Variants in ZNF442 observed in about 807,000 individuals in gnomAD.
ZNF442 encodes zinc finger protein 442.
Under a neutral mutation model 57.0 loss-of-function variants are expected in ZNF442, and 45 were observed. That is an observed-to-expected ratio of 0.79 (90% CI 0.62 to 1.01). The LOEUF is 1.01. ZNF442 is among the 50% of genes least tolerant of loss of function. The probability of loss-of-function intolerance (pLI) is 0.00; values close to 1 mark genes in which losing one functional copy is unlikely to be tolerated. For synonymous variants in ZNF442, 213 were observed against 241.8 expected (o/e 0.88, Z 1.10); for missense variants, 690 against 756.5 (o/e 0.91, Z 1.03).
At chr19:12,372,394 G>C in the ZNF442 span, among the ~76,000 whole-genome samples, 1 of 152,030 alleles carries the variant, frequency 6.6e-6, no homozygotes, top group Non-Finnish European at 1.5e-5. Flanking sequence ...AGGAGGTGGA[G>C]GTTGCAGTGA....
chr19:12,350,330 C>T lies in ZNF442; in HGVS notation c.1255G>A (p.Val419Ile), dbSNP rs748025717. The T allele has an allele frequency of 1.2e-6, 2 of 1,613,692 alleles. No individual in the cohort carries two copies. The highest frequency in any genetic ancestry group is 1.7e-5 in the Admixed American group (1 of 59,992). ...TGAGTCCTTTCATGTCCTTGAAATA[C>T]ACTGGGATAAATGAAGGCTTTCCCA... ...VCGKAFIYPSVFQGHERTHTG... is the reference protein window; with the variant it reads ...VCGKAFIYPSIFQGHERTHTG... Residue 419 changes from valine (V) to isoleucine (I), a missense_variant, in exon 6 of 6, where the codon GTA becomes ATA. By Grantham distance (29) the Val-to-Ile change is conservative. Transcript: ENST00000242804.
At position 12,346,420 on chromosome 19, in the gene ZNF442, T is replaced by C. The variant is rs1358161982; in HGVS notation, c.*3281A>G. Reference sequence around the variant, plus strand: ...GCAGTACAGAACCATTAATTGGCTATTATGAAAAAAATACGACAACCAGTA... The same window carrying C: ...GCAGTACAGAACCATTAATTGGCTACTATGAAAAAAATACGACAACCAGTA... On this transcript the variant is annotated 3_prime_UTR_variant, in exon 6 of 6. Coordinates refer to ENST00000242804, the MANE Select transcript of ZNF442 (RefSeq NM_030824.3). 6.6e-6 allele frequency: 1 copy of C among 152,166 alleles called. No individual in the cohort carries two copies. Among genetic ancestry groups the C allele is most frequent in the Non-Finnish European group, 1.5e-5 (1 of 68,034 alleles). 9.4% of individuals were successfully genotyped at this position (152,166 alleles called of 1,614,324 possible). A position where few individuals can be genotyped will look rare whatever the true frequency, so the allele number is the denominator to read the frequency against.
At chr19:12,353,579 A>G (rs1384630506) in intron 3 of ZNF442, among the ~76,000 whole-genome samples, 1 of 152,146 alleles carries the variant, frequency 6.6e-6, no homozygotes, top group Non-Finnish European at 1.5e-5. Flanking sequence ...GTGTGCATAA[A>G]CTGTTTATGG....
the ZNF442 span, among the ~76,000 whole-genome samples, chr19:12,372,337 T>A: frequency 3.3e-5 from 5 of 151,988 alleles, no homozygotes; most frequent in African/African-American, 9.7e-5. Context: ...CGGGCGCCTG[T>A]AATCCCAGCT....
intron 3 of ZNF442, among the ~76,000 whole-genome samples, chr19:12,357,754 G>C (rs1969357630): frequency 6.6e-6 from 1 of 152,024 alleles, no homozygotes; most frequent in Non-Finnish European, 1.5e-5. Context: ...CGGGGTACAG[G>C]TCTAATGTTG....
In ZNF442 at chr19:12,346,841, T is replaced by C. The variant is rs186750532; in HGVS notation, c.*2860A>G. 1.3e-5 allele frequency: 2 copies of C among 152,188 alleles called. No individual in the cohort carries two copies. The highest frequency in any genetic ancestry group is 2.9e-5 in the Non-Finnish European group (2 of 68,032). The allele number at this position is 152,188 out of a possible 1,614,324, so 9.4% of individuals were successfully genotyped here. A position where few individuals can be genotyped will look rare whatever the true frequency, so the allele number is the denominator to read the frequency against. On this transcript the variant is annotated 3_prime_UTR_variant, in exon 6 of 6. Coordinates refer to ENST00000242804, the MANE Select transcript of ZNF442 (RefSeq NM_030824.3). ...CGTTCTAAGTGAAATAAGCCAGACA[T>C]GGAAGGACACATGCATACTTCCACA...
chr19:12,364,661 A>G (rs567988358), intron 2 of ZNF442, 141 bp downstream of exon 2: 8 of 152,350 alleles, frequency 5.3e-5, no homozygotes, highest in African/African-American at 1.9e-4. Flanking sequence ...TGCTACCCCC[A>G]TCTCTGAAAA....
chr19:12,363,565 T>C lies in ZNF442; in HGVS notation c.67A>G (p.Arg23Gly), dbSNP rs574451149. The change falls in exon 3 of 6, where the codon AGA becomes GGA. Residue 23 changes from arginine to glycine, a missense_variant. Physicochemically the swap from Arg to Gly is moderately radical, Grantham distance 125 (BLOSUM62 -2). Transcript: ENST00000242804. ...FLPDSQTNEE[R>G]KQYDSVAFED... The stretch of plus-strand genomic sequence containing the variant: ...TCTCCAGTGCTTACATATTGTTTTC[T>C]CTCTTCATTAGTCTGAGAGTCAGGA... The C allele has an allele frequency of 1.2e-6, 2 of 1,614,188 alleles. No homozygotes were observed. Among genetic ancestry groups the C allele is most frequent in the East Asian group, 4.5e-5 (2 of 44,880 alleles).
the ZNF442 span, among the ~76,000 whole-genome samples, chr19:12,372,124 A>G: frequency 2.0e-5 from 3 of 152,254 alleles, no homozygotes; most frequent in Non-Finnish European, 4.4e-5. Context: ...CCATTAAAAA[A>G]TAGTCAAAGG....
chr19:12,359,932 C>A (rs1215529566), intron 3 of ZNF442, among the ~76,000 whole-genome samples: 2 of 151,810 alleles, frequency 1.3e-5, no homozygotes, highest in African/African-American at 4.8e-5. Context: ...GAGCTGAGAT[C>A]ACGCCACTGC....
At chr19:12,369,152 G>A (rs1247668339), upstream of ZNF442, among the ~76,000 whole-genome samples, 7 of 151,950 alleles carry the variant, frequency 4.6e-5, no homozygotes, top group African/African-American at 1.7e-4. Context: ...TCTGGCCAGA[G>A]AAGGAGAAGG....
intron 2 of ZNF442, among the ~76,000 whole-genome samples, chr19:12,364,049 T>C (rs1431694284): frequency 6.6e-6 from 1 of 152,206 alleles, no homozygotes; most frequent in Non-Finnish European, 1.5e-5. Flanking sequence ...TTTTTTGTTT[T>C]TTACAGTGCA....
chr19:12,352,993 C>T lies in ZNF442; in HGVS notation c.200G>A (p.Cys67Tyr). The change falls in exon 4 of 6, where the codon TGT (cysteine) becomes TAT (tyrosine). Residue 67 changes from cysteine to tyrosine, a missense_variant. Transcript: ENST00000242804. Reference sequence around the variant, plus strand: ...AGACATAATGTCATTTTTACCTATACAGTCCAGGTTCCTAATGGTTTCCCA... The same window carrying T: ...AGACATAATGTCATTTTTACCTATATAGTCCAGGTTCCTAATGGTTTCCCA... ...VMWETIRNLDCIGMKWEDTNI... is the reference protein window; with the variant it reads ...VMWETIRNLDYIGMKWEDTNI... 2 of 1,604,512 alleles carry T rather than the reference C, an allele frequency of 1.2e-6. No homozygotes were observed. Among genetic ancestry groups the T allele is most frequent in the Non-Finnish European group, 1.7e-6 (2 of 1,177,450 alleles).
intron 3 of ZNF442, 87 bp downstream of exon 3, chr19:12,363,467 T>G (rs1969474175): frequency 7.6e-7 from 1 of 1,316,616 alleles, no homozygotes; most frequent in Non-Finnish European, 1.1e-6. Flanking sequence ...AGGAGATACT[T>G]CACTGTGTGC....
intron 4 of ZNF442, 92 bp downstream of exon 4, chr19:12,352,896 C>T: frequency 6.8e-7 from 1 of 1,468,240 alleles, no homozygotes; most frequent in Non-Finnish European, 9.2e-7. Context: ...TCAACTATAT[C>T]CCCTTTCGGT....
intron 3 of ZNF442, among the ~76,000 whole-genome samples, chr19:12,361,848 A>G (rs1381659200): frequency 6.6e-6 from 1 of 151,964 alleles, no homozygotes; most frequent in African/African-American, 2.4e-5. Flanking sequence ...GCCTGCGGAG[A>G]GCCTGGGATT....
upstream of ZNF442, among the ~76,000 whole-genome samples, chr19:12,368,393 G>A (rs886571960): frequency 1.3e-5 from 2 of 152,166 alleles, no homozygotes; most frequent in Non-Finnish European, 2.9e-5. Context: ...ACAGGCGTAA[G>A]AAATTATAAA....
At chr19:12,361,381 T>C (rs953081706) in intron 3 of ZNF442, among the ~76,000 whole-genome samples, 3 of 152,090 alleles carry the variant, frequency 2.0e-5, no homozygotes, top group Non-Finnish European at 4.4e-5. Context: ...GTACACATAA[T>C]AGGAATAGAA....
Position 12,346,174 on chromosome 19 carries a change from G to C in ZNF442, c.*3527C>G, listed in dbSNP as rs1969128027. The C allele has an allele frequency of 1.3e-5, 2 of 151,716 alleles. No homozygotes were observed. Among genetic ancestry groups the C allele is most frequent in the South Asian group, 4.2e-4 (2 of 4,786 alleles). The allele number at this position is 151,716 out of a possible 1,614,324, so 9.4% of individuals were successfully genotyped here. On this transcript the variant is annotated 3_prime_UTR_variant, in exon 6 of 6. Transcript: ENST00000242804. ...CCTACAACTCTCTTCCAAGCACTTG[G>C]GAGCTGAAAAAAGAAAGAAATTTTC...
Sources: allele counts gnomAD v4.1 joint callset (sites outside exome capture counted in the v4.1 genomes callset), GRCh38; gene constraint gnomAD v4.1.1; transcripts MANE v1.5; gene names NCBI Gene and HGNC (gene_info 2026-07-23, HGNC 2026-07-21).